Variants in DNAAF11 observed in about 807,000 individuals in gnomAD.
The protein encoded by DNAAF11 is leucine rich repeat containing 6.
Under a neutral mutation model 60.8 loss-of-function variants are expected in DNAAF11, and 45 were observed. That is an observed-to-expected ratio of 0.74 (90% CI 0.58 to 0.95). The LOEUF (loss-of-function observed/expected upper bound fraction) is 0.95. Among genes scored for constraint, DNAAF11 ranks in the 40% least tolerant of loss-of-function variants. DNAAF11 has a pLI of 0.00. For synonymous variants in DNAAF11, 191 were observed against 183.5 expected (o/e 1.04, Z -0.33); for missense variants, 546 against 546.2 (o/e 1.00, Z 0.00).
intron 4 of DNAAF11, 111 bp from the exon 5 acceptor site, chr8:132,633,074 A>G: frequency 1.6e-6 from 1 of 626,176 alleles, no homozygotes; most frequent in Non-Finnish European, 2.8e-6. Flanking sequence ...ATAGAGAATT[A>G]AAACAATATA....
chr8:132,695,501 G>A, the DNAAF11 span, among the ~76,000 whole-genome samples: 1 of 152,156 alleles, frequency 6.6e-6, no homozygotes, highest in Non-Finnish European at 1.5e-5. Context: ...GATATATGAG[G>A]TGGCAATAGC....
At chr8:132,692,065 A>G in the DNAAF11 span, among the ~76,000 whole-genome samples, 1 of 152,296 alleles carries the variant, frequency 6.6e-6, no homozygotes, top group Admixed American at 6.5e-5. Context: ...TGCTATATGA[A>G]AAAGAGAGTA....
chr8:132,622,365 A>T (rs945792517), intron 7 of DNAAF11, among the ~76,000 whole-genome samples: 2 of 152,242 alleles, frequency 1.3e-5, no homozygotes, highest in Non-Finnish European at 2.9e-5. Flanking sequence ...CATGGGGTAC[A>T]TAAATAACTA....
chr8:132,622,895 G>T (rs1051691036), intron 6 of DNAAF11: 3 of 521,106 alleles, frequency 5.8e-6, no homozygotes, highest in South Asian at 2.7e-5. Flanking sequence ...TTTTTATATG[G>T]TTGTATCTGT....
At chr8:132,694,507 G>A in the DNAAF11 span, among the ~76,000 whole-genome samples, 3 of 152,162 alleles carry the variant, frequency 2.0e-5, no homozygotes, top group Non-Finnish European at 4.4e-5. Flanking sequence ...CCGTAACTGT[G>A]AGAAAATACA....
upstream of DNAAF11, among the ~76,000 whole-genome samples, chr8:132,677,748 C>A (rs6471089): frequency 6.6e-6 from 1 of 151,916 alleles, no homozygotes; most frequent in Non-Finnish European, 1.5e-5. Flanking sequence ...CTAAAAAAAT[C>A]GGGGTGCTGG....
chr8:132,622,712 A>C, intron 6 of DNAAF11, 24 bp from the exon 7 acceptor site: 2 of 1,497,720 alleles, frequency 1.3e-6, no homozygotes, highest in Non-Finnish European at 1.9e-6. Context: ...GTGGATGAGA[A>C]CAATGGGCAG....
chr8:132,699,325 T>G, the DNAAF11 span, among the ~76,000 whole-genome samples: 11 of 151,828 alleles, frequency 7.2e-5, no homozygotes, highest in Non-Finnish European at 1.0e-4. Flanking sequence ...GTCCTACAAG[T>G]GCCAAAGCCT....
chr8:132,657,098 A>T (rs899219942), intron 2 of DNAAF11, among the ~76,000 whole-genome samples, 191 bp from the exon 3 acceptor site: 9 of 152,114 alleles, frequency 5.9e-5, no homozygotes, highest in African/African-American at 1.9e-4. Context: ...TTCTCCCTCC[A>T]TCCTTCCTAA....
chr8:132,670,491 C>T (rs1317532775), intron 1 of DNAAF11, among the ~76,000 whole-genome samples: 2 of 152,140 alleles, frequency 1.3e-5, no homozygotes, highest in African/African-American at 2.4e-5. Flanking sequence ...TTTCTTTCCA[C>T]AAATAAAACT....
intron 11 of DNAAF11, 113 bp from the exon 12 acceptor site, chr8:132,572,593 G>C (rs1303227811): frequency 1.5e-6 from 1 of 659,812 alleles, no homozygotes; most frequent in Non-Finnish European, 2.5e-6. Flanking sequence ...AATATGCCTG[G>C]AGCACAGAAA....
chr8:132,664,581 C>T (rs1824442572), intron 1 of DNAAF11, among the ~76,000 whole-genome samples: 1 of 152,152 alleles, frequency 6.6e-6, no homozygotes, highest in Non-Finnish European at 1.5e-5. Context: ...CCTACCTCAG[C>T]CTTCTGAGTA....
chr8:132,645,251 A>G (rs1405503283), intron 3 of DNAAF11, among the ~76,000 whole-genome samples: 1 of 152,210 alleles, frequency 6.6e-6, no homozygotes, highest in East Asian at 1.9e-4. Context: ...GCAAACTCCA[A>G]CAGACCTGCA....
chr8:132,689,696 C>CGT, the DNAAF11 span, among the ~76,000 whole-genome samples: 440 of 148,224 alleles, frequency 3.0e-3, no homozygotes, highest in African/African-American at 3.3e-3. Context: ...TGTGTATGTA[C>CGT]GTGTGTGTGT....
chr8:132,697,576 C>G, the DNAAF11 span, among the ~76,000 whole-genome samples: 1 of 151,624 alleles, frequency 6.6e-6, no homozygotes, highest in East Asian at 1.9e-4. Context: ...TGAGATTTTG[C>G]CACTGCACCC....
chr8:132,578,957 C>T (rs998185558), intron 11 of DNAAF11, among the ~76,000 whole-genome samples: 6 of 152,176 alleles, frequency 3.9e-5, no homozygotes, highest in Non-Finnish European at 7.4e-5. Context: ...GGGTGCAGTG[C>T]CAAAGAGCTT....
At chr8:132,596,476 A>T (rs760474837) in intron 10 of DNAAF11, among the ~76,000 whole-genome samples, 1 of 152,232 alleles carries the variant, frequency 6.6e-6, no homozygotes, top group African/African-American at 2.4e-5. Context: ...TAGGACAAAC[A>T]TTAAGACTGA....
chr8:132,647,063 C>A (rs1311868309), intron 3 of DNAAF11, among the ~76,000 whole-genome samples: 1 of 152,116 alleles, frequency 6.6e-6, no homozygotes, highest in South Asian at 2.1e-4. Context: ...ACCACATCAC[C>A]CTTATTCCAA....
At chr8:132,689,889 T>C in the DNAAF11 span, among the ~76,000 whole-genome samples, 1 of 152,142 alleles carries the variant, frequency 6.6e-6, no homozygotes, top group Non-Finnish European at 1.5e-5. Flanking sequence ...ATATTTTTTT[T>C]CCTTTTTGTA....
Sources: allele counts gnomAD v4.1 joint callset (sites outside exome capture counted in the v4.1 genomes callset), GRCh38; gene constraint gnomAD v4.1.1; transcripts MANE v1.5; gene names NCBI Gene and HGNC (gene_info 2026-07-23, HGNC 2026-07-21).